The following RABGAP1 variants were observed in gnomAD, a reference collection of about 807,000 sequenced individuals.
RABGAP1 encodes the protein rab GTPase-activating protein 1.
A neutral mutation model predicts 137.6 loss-of-function variants in RABGAP1; 23 were observed. The ratio of observed to expected loss-of-function variants is 0.17; its 90% CI spans 0.12 to 0.24. The LOEUF (loss-of-function observed/expected upper bound fraction) is 0.24. Ranked by LOEUF, RABGAP1 falls within the 10% of genes least tolerant of loss-of-function variation. The pLI is 1.00. For missense variants in RABGAP1, 906 were observed against 1,275.8 expected (o/e 0.71, Z 4.42); for synonymous variants, 451 against 450.7 (o/e 1.00, Z -0.01).
At chr9:122,961,096 G>GA (rs1018066459) in intron 2 of RABGAP1, among the ~76,000 whole-genome samples, 2 of 151,520 alleles carry the variant, frequency 1.3e-5, no homozygotes, top group African/African-American at 2.4e-5. Flanking sequence ...GAAATGACTA[G>GA]AAAAAAAATT....
chr9:123,045,084 G>A (rs180860592), intron 13 of RABGAP1, among the ~76,000 whole-genome samples: 2 of 152,286 alleles, frequency 1.3e-5, no homozygotes, highest in African/African-American at 4.8e-5. Context: ...CAAAACGACT[G>A]AATTAGCTTT....
intron 2 of RABGAP1, among the ~76,000 whole-genome samples, chr9:122,962,217 T>C (rs1834891863): frequency 6.6e-6 from 1 of 151,138 alleles, no homozygotes; most frequent in Non-Finnish European, 1.5e-5. Flanking sequence ...TTGTTTCAAG[T>C]CCAACAGAGC....
chr9:122,933,345 C>G, the RABGAP1 span, among the ~76,000 whole-genome samples: 1 of 151,730 alleles, frequency 6.6e-6, no homozygotes, highest in African/African-American at 2.4e-5. Flanking sequence ...TCTCTTATAA[C>G]CTTTTCAAAT....
At position 123,041,787 on chromosome 9, in the gene RABGAP1, A is replaced by G. The variant is rs118070079; in HGVS notation, c.1794+21328A>G. On this transcript the variant is annotated intron_variant, in intron 13 of 25. Coordinates refer to ENST00000373647, the MANE Select transcript of RABGAP1 (RefSeq NM_012197.4). Reference sequence around the variant, plus strand: ...GCCTGATTTGTCTATTGACCACAGTAACTACTTGGGAATTGGATTGCTAAG... The same window carrying G: ...GCCTGATTTGTCTATTGACCACAGTGACTACTTGGGAATTGGATTGCTAAG... Among the ~76,000 whole-genome samples, 12 of 152,362 alleles carry G rather than the reference A, an allele frequency of 7.9e-5. No homozygotes were observed. In the East Asian group the frequency reaches 2.1e-3, roughly 27 times the overall value.
At chr9:123,014,563 G>T (rs561116352) in intron 11 of RABGAP1, among the ~76,000 whole-genome samples, 3 of 151,290 alleles carry the variant, frequency 2.0e-5, no homozygotes, top group Non-Finnish European at 2.9e-5. Context: ...ATTTTATACC[G>T]TATTTTGCCG....
intron 7 of RABGAP1, 157 bp downstream of exon 7, chr9:122,996,308 T>C: frequency 7.6e-7 from 1 of 1,311,060 alleles, no homozygotes; most frequent in Non-Finnish European, 1.0e-6. Context: ...TACTTTGAAA[T>C]AGCTACTATA....
chr9:123,042,114 C>CTG (rs1373501473), intron 13 of RABGAP1, among the ~76,000 whole-genome samples: 2 of 152,200 alleles, frequency 1.3e-5, no homozygotes, highest in Admixed American at 6.5e-5. Flanking sequence ...GTAAGAAAGT[C>CTG]TGTGTGTTAA....
At chr9:123,078,468 T>C (rs2034591720) in intron 19 of RABGAP1, among the ~76,000 whole-genome samples, 1 of 152,120 alleles carries the variant, frequency 6.6e-6, no homozygotes, top group South Asian at 2.1e-4. Context: ...GTCCAAGAAA[T>C]GATGGCTACG....
chr9:123,100,382 GATGTGTGTGTGTGTGT>G (rs2035306230), intron 24 of RABGAP1, among the ~76,000 whole-genome samples: 8 of 130,364 alleles, frequency 6.1e-5, no homozygotes, highest in South Asian at 5.2e-4. Context: ...TGTTTAACCA[GATGTGTGTGTGTGTGT>G]GTGTGTGTGT....
At chr9:123,075,310 T>C (rs1470925287) in intron 17 of RABGAP1, among the ~76,000 whole-genome samples, 2 of 152,154 alleles carry the variant, frequency 1.3e-5, no homozygotes, top group Non-Finnish European at 2.9e-5. Flanking sequence ...ATTATGGTTC[T>C]CCTATGTGTA....
intron 6 of RABGAP1, among the ~76,000 whole-genome samples, chr9:122,992,121 C>T (rs577575007): frequency 6.6e-6 from 1 of 152,170 alleles, no homozygotes; most frequent in East Asian, 1.9e-4. Context: ...ACCGCAACCT[C>T]TGTCTCCCAG....
chr9:123,013,763 AGTATC>A (rs1215504948), intron 11 of RABGAP1, among the ~76,000 whole-genome samples: 3 of 152,230 alleles, frequency 2.0e-5, no homozygotes, highest in African/African-American at 7.2e-5. Context: ...TTCAATAAGA[AGTATC>A]ACAGATTTCT....
Position 122,974,415 on chromosome 9 carries a change from C to CTTT in RABGAP1, c.151-10046_151-10044dup, listed in dbSNP as rs11331973. On this transcript the variant is annotated intron_variant, in intron 2 of 25. Transcript: ENST00000373647. The stretch of plus-strand genomic sequence containing the variant: ...CCTCCCAAGATGGAAATGGCTTTGT[C>CTTT]TTTTTTTTTTTTTTTTTTTTTTTTT... 9.5e-3 allele frequency among the ~76,000 whole-genome samples: 556 copies of CTTT among 58,234 alleles called. 24 individuals are homozygous for CTTT. The highest frequency in any genetic ancestry group is 0.011 in the Non-Finnish European group (365 of 32,528). The allele number at this position is 58,234 out of a possible 152,430, so 38.2% of individuals were successfully genotyped here.
intron 10 of RABGAP1, among the ~76,000 whole-genome samples, chr9:123,008,528 G>C (rs1003662260): frequency 2.7e-5 from 4 of 145,948 alleles, no homozygotes; most frequent in Non-Finnish European, 6.0e-5. Context: ...CCTGGCGACA[G>C]AGGGAGACTC....
intron 19 of RABGAP1, among the ~76,000 whole-genome samples, chr9:123,078,410 C>T (rs965602446): frequency 3.3e-5 from 5 of 151,934 alleles, no homozygotes; most frequent in Admixed American, 2.6e-4. Flanking sequence ...GGATTAGCGA[C>T]GATATCGTAT....
chr9:123,031,469 C>T (rs1412061822), intron 13 of RABGAP1, among the ~76,000 whole-genome samples: 1 of 151,104 alleles, frequency 6.6e-6, no homozygotes, highest in East Asian at 1.9e-4. Flanking sequence ...CAATGGGGTA[C>T]AATAATAAAA....
At chr9:122,959,075 T>TA (rs1042437366) in intron 2 of RABGAP1, among the ~76,000 whole-genome samples, 1 of 152,002 alleles carries the variant, frequency 6.6e-6, no homozygotes, top group East Asian at 1.9e-4. Flanking sequence ...CAGTAAAACT[T>TA]AAAAAAATTA....
chr9:123,059,521 C>T (rs987374972), intron 13 of RABGAP1, among the ~76,000 whole-genome samples: 1 of 152,154 alleles, frequency 6.6e-6, no homozygotes, highest in African/African-American at 2.4e-5. Flanking sequence ...CGCCACTGCA[C>T]TCCAGCCTGG....
intron 13 of RABGAP1, among the ~76,000 whole-genome samples, chr9:123,030,126 A>G (rs2032214572): frequency 6.6e-6 from 1 of 152,222 alleles, no homozygotes; most frequent in South Asian, 2.1e-4. Flanking sequence ...TTAGCTAGCA[A>G]TGAAATGGTT....
Sources: allele counts gnomAD v4.1 joint callset (sites outside exome capture counted in the v4.1 genomes callset), GRCh38; gene constraint gnomAD v4.1.1; transcripts MANE v1.5; gene names NCBI Gene and HGNC (gene_info 2026-07-23, HGNC 2026-07-21).